Variants in RECK observed in about 807,000 individuals in gnomAD.
The protein encoded by RECK is reversion inducing cysteine rich protein with kazal motifs.
In RECK, 69 loss-of-function variants were observed where a neutral mutation model predicts 115.1. The observed-to-expected ratio is 0.60, with a 90% confidence interval of 0.49 to 0.73. The LOEUF (loss-of-function observed/expected upper bound fraction) is 0.73, where lower values mean the gene tolerates loss of function less well. Among genes scored for constraint, RECK ranks in the 30% least tolerant of loss-of-function variants. The pLI is 0.00. For missense variants in RECK, 1,047 were observed against 1,203.7 expected (o/e 0.87, Z 1.93); for synonymous variants, 414 against 419.7 (o/e 0.99, Z 0.17).
chr9:36,114,078 A>C (rs950960518), intron 16 of RECK, among the ~76,000 whole-genome samples: 1 of 152,216 alleles, frequency 6.6e-6, no homozygotes, highest in Non-Finnish European at 1.5e-5. Flanking sequence ...TGTCTTCTGC[A>C]TCTGGACAGC....
chr9:36,058,919 T>A lies in RECK; in HGVS notation c.234+18T>A. 1 of 1,466,034 alleles carries A rather than the reference T, an allele frequency of 6.8e-7. No homozygotes were observed. The highest frequency in any genetic ancestry group is 9.2e-7 in the Non-Finnish European group (1 of 1,092,272). The allele number at this position is 1,466,034 out of a possible 1,614,324, so 90.8% of individuals were successfully genotyped here. On this transcript the variant is annotated intron_variant, in intron 3 of 20. Transcript: ENST00000377966. ...AGACAATGGTAAGTCTTATTGTAAC[T>A]TAACTGTAGAAGCTTCTGTCTAAAT...
chr9:36,081,832 C>A (rs979934194), intron 7 of RECK, among the ~76,000 whole-genome samples: 599 of 122,556 alleles, frequency 4.9e-3, no homozygotes, highest in Middle Eastern at 0.012. Flanking sequence ...GACTGTGTCT[C>A]AAAAAAAAAA....
intron 1 of RECK, among the ~76,000 whole-genome samples, chr9:36,051,862 A>G (rs944770780): frequency 6.6e-6 from 1 of 152,328 alleles, no homozygotes; most frequent in African/African-American, 2.4e-5. Flanking sequence ...TCAGATTCAC[A>G]TGCTCAAAAC....
At chr9:36,114,615 A>G (rs1464075141) in intron 16 of RECK, among the ~76,000 whole-genome samples, 1 of 152,176 alleles carries the variant, frequency 6.6e-6, no homozygotes, top group Non-Finnish European at 1.5e-5. Context: ...CACCTTGGGA[A>G]GCCGAGGCAG....
chr9:36,112,158 CG>C, intron 15 of RECK, 146 bp from the exon 16 acceptor site: 1 of 453,838 alleles, frequency 2.2e-6, no homozygotes, highest in Non-Finnish European at 3.8e-6. Context: ...TGTCAGAGAT[CG>C]GAGAGAAGGT....
chr9:36,067,425 G>A (rs569562802), intron 6 of RECK, among the ~76,000 whole-genome samples: 2 of 152,244 alleles, frequency 1.3e-5, no homozygotes, highest in African/African-American at 4.8e-5. Flanking sequence ...CAGAGAATGA[G>A]TAATTACATT....
In RECK at chr9:36,094,906, G is replaced by A. The variant is rs1823281356; in HGVS notation, c.1085+3563G>A. On this transcript the variant is annotated intron_variant, in intron 10 of 20. Transcript: ENST00000377966. This position sits in a 1 kb window ranked among gnomAD's most constrained non-coding sequence, Gnocchi z 4.1. The stretch of plus-strand genomic sequence containing the variant: ...GAAAAAAATCAGTGAGGATATAGAG[G>A]ATTTGAACAACATATGCTGGGTTAA... Among the ~76,000 whole-genome samples the A allele has an allele frequency of 6.6e-6, 1 of 152,132 alleles. No individual in the cohort carries two copies. The highest frequency in any genetic ancestry group is 1.5e-5 in the Non-Finnish European group (1 of 68,020).
At chr9:36,089,663 A>T (rs1276617593) in intron 9 of RECK, among the ~76,000 whole-genome samples, 1 of 152,218 alleles carries the variant, frequency 6.6e-6, no homozygotes, top group East Asian at 1.9e-4. Context: ...AAAATACTGT[A>T]TAAGATTACC....
At position 36,108,029 on chromosome 9, in the gene RECK, C is replaced by G; in HGVS notation, c.1630C>G (p.Gln544Glu). Residue 544 changes from glutamine to glutamate, a missense_variant, in exon 14 of 21, where the codon CAG (glutamine) becomes GAG (glutamate). By Grantham distance (29) the Gln-to-Glu change is conservative (BLOSUM62 2). Transcript: ENST00000377966. ...CATTGTCCGTCAAGGGACACTAATC[C>G]AGGTGCCATCATCTGCAGGGGAAGT... is the stretch of plus-strand genomic sequence containing the variant. ...DFIVRQGTLIQVPSSAGEVGC... is the reference protein window; with the variant it reads ...DFIVRQGTLIEVPSSAGEVGC... 1 of 1,613,954 alleles carries G rather than the reference C, an allele frequency of 6.2e-7. No individual in the cohort carries two copies. Among genetic ancestry groups the G allele is most frequent in the Non-Finnish European group, 8.5e-7 (1 of 1,179,946 alleles).
intron 16 of RECK, 33 bp from the exon 17 acceptor site, chr9:36,116,952 A>C (rs747170743): frequency 5.2e-5 from 82 of 1,571,600 alleles, no homozygotes; most frequent in Non-Finnish European, 6.7e-5. Context: ...CCCTCCCTAC[A>C]TTGGCTCATG....
intron 9 of RECK, among the ~76,000 whole-genome samples, chr9:36,089,932 T>C (rs1823097673): frequency 6.6e-6 from 1 of 150,798 alleles, no homozygotes. Flanking sequence ...CAGACCAGCC[T>C]GGTCAACATG....
In RECK at chr9:36,037,080, C is replaced by T. The variant is rs1480862929; in HGVS notation, c.82C>T (p.Leu28=). 3.6e-6 allele frequency: 5 copies of T among 1,376,538 alleles called. No individual in the cohort carries two copies. The Admixed American group carries it at 1.7e-4, about 46-fold the overall frequency. The allele number at this position is 1,376,538 out of a possible 1,614,324, so 85.3% of individuals were successfully genotyped here. A position where few individuals can be genotyped will look rare whatever the true frequency, so the allele number is the denominator to read the frequency against. Reference sequence around the variant, plus strand: ...GGGGGTCGCGGAGGTGGCAGGGGGCCTGGCTCCGGGCAGTGCGGGTGAGTA... The same window carrying T: ...GGGGGTCGCGGAGGTGGCAGGGGGCTTGGCTCCGGGCAGTGCGGGTGAGTA... ...VAGVAEVAGG[L]APGSAGALCC... is the part of the protein sequence containing the mutation. Residue 28 remains leucine (L), a synonymous_variant, in exon 1 of 21, where the codon CTG becomes TTG. Coordinates refer to ENST00000377966, the MANE Select transcript of RECK (RefSeq NM_021111.3).
In RECK at chr9:36,096,914, G is replaced by T. The variant is rs536358980; in HGVS notation, c.1086-3417G>T. Reference sequence around the variant, plus strand: ...GGAATGTTCAACATATCATGCACAGGTGTGTGCATACACACACACACACAC... The same window carrying T: ...GGAATGTTCAACATATCATGCACAGTTGTGTGCATACACACACACACACAC... On this transcript the variant is annotated intron_variant, in intron 10 of 20. Coordinates refer to ENST00000377966, the MANE Select transcript of RECK (RefSeq NM_021111.3). 8.8e-4 allele frequency among the ~76,000 whole-genome samples: 80 copies of T among 91,362 alleles called. 2 individuals are homozygous for T. In the East Asian group the frequency reaches 0.019, roughly 21 times the overall value. The allele number at this position is 91,362 out of a possible 152,430, so 59.9% of individuals were successfully genotyped here.
intron 1 of RECK, among the ~76,000 whole-genome samples, chr9:36,043,191 ATTTTTTTTTTT>A (rs761649232): frequency 3.1e-4 from 17 of 54,002 alleles, no homozygotes; most frequent in African/African-American, 1.4e-3. Context: ...CGCCTGGCTA[ATTTTTTTTTTT>A]TTTTTTTTTT....
Position 36,104,309 on chromosome 9 carries a change from T to TGC in RECK, c.1436-834_1436-833insGC, listed in dbSNP as rs1564130782. On this transcript the variant is annotated intron_variant, in intron 12 of 20. Coordinates refer to ENST00000377966, the MANE Select transcript of RECK (RefSeq NM_021111.3). ...GTGTGTGTGTATATATATATATATATATATATATATATATATATTTTTTTT... is the reference window on the plus strand; with the variant it reads ...GTGTGTGTGTATATATATATATATATGCATATATATATATATATATTTTTTTT... 4.5e-4 allele frequency among the ~76,000 whole-genome samples: 30 copies of TGC among 66,712 alleles called. 1 individual carries two copies. Among genetic ancestry groups the TGC allele is most frequent in the African/African-American group, 1.5e-3 (18 of 12,114 alleles). The allele number at this position is 66,712 out of a possible 152,430, so 43.8% of individuals were successfully genotyped here.
intron 4 of RECK, among the ~76,000 whole-genome samples, chr9:36,060,788 C>T (rs970277124): frequency 2.0e-5 from 3 of 152,094 alleles, no homozygotes. Context: ...GAGAAGGTGA[C>T]TCTCAAATCT....
intron 8 of RECK, among the ~76,000 whole-genome samples, chr9:36,086,388 A>C (rs971903009): frequency 2.7e-4 from 41 of 152,022 alleles, no homozygotes; most frequent in Admixed American, 2.4e-3. Context: ...TAAAGGTGGC[A>C]TCCAGAGTTG....
chr9:36,058,139 C>T (rs569250027), intron 2 of RECK, among the ~76,000 whole-genome samples: 1 of 151,024 alleles, frequency 6.6e-6, no homozygotes, highest in African/African-American at 2.4e-5. Flanking sequence ...TTGACCCAGC[C>T]ATCCCATTAC....
chr9:36,097,846 G>GC (rs1823411495), intron 10 of RECK, among the ~76,000 whole-genome samples: 1 of 152,192 alleles, frequency 6.6e-6, no homozygotes, highest in Non-Finnish European at 1.5e-5. Context: ...ATCCTATTCA[G>GC]CCTTTATAAA....
Sources: allele counts gnomAD v4.1 joint callset (sites outside exome capture counted in the v4.1 genomes callset), GRCh38; gene constraint gnomAD v4.1.1; non-coding constraint Gnocchi (gnomAD v3.1); transcripts MANE v1.5; gene names NCBI Gene and HGNC (gene_info 2026-07-23, HGNC 2026-07-21).